The following VWA8 variants were observed in gnomAD, a reference collection of about 807,000 sequenced individuals.
VWA8 encodes von Willebrand factor A domain containing 8, also known as von Willebrand factor A domain-containing protein 8.
In VWA8, 221 loss-of-function variants were observed where a neutral mutation model predicts 241.5. That is an observed-to-expected ratio of 0.91 (90% CI 0.82 to 1.02). The LOEUF is 1.02. Among genes scored for constraint, VWA8 ranks in the 50% least tolerant of loss-of-function variants. The pLI, the probability that VWA8 is intolerant of heterozygous loss-of-function variation, is 0.00. For missense variants in VWA8, 2,322 were observed against 2,328.7 expected, an observed-to-expected ratio of 1.00 and a Z score of 0.06; for synonymous variants, 852 against 827.1, an observed-to-expected ratio of 1.03 and a Z score of -0.52.
intron 4 of VWA8, among the ~76,000 whole-genome samples, chr13:41,907,271 A>G (rs1169875542): frequency 6.6e-6 from 1 of 152,172 alleles, no homozygotes; most frequent in Non-Finnish European, 1.5e-5. Flanking sequence ...TCCTATATCA[A>G]ATCTCCTTAA....
rs1874560476 is a variant in VWA8 at position 41,886,760 on chromosome 13, CATTT to C, written c.866+17_866+20del. ...ACAAATTCAATATTCAGTGTCCAGACATTTATAAAAATATACTTACTTCTCAGCA... is the reference window on the plus strand; with the variant it reads ...ACAAATTCAATATTCAGTGTCCAGACATAAAAATATACTTACTTCTCAGCA... On this transcript the variant is annotated intron_variant, in intron 7 of 44. Transcript: ENST00000379310. The C allele has an allele frequency of 1.3e-6, 2 of 1,569,670 alleles. No individual in the cohort carries two copies. The highest frequency in any genetic ancestry group is 1.7e-6 in the Non-Finnish European group (2 of 1,157,870).
intron 39 of VWA8, among the ~76,000 whole-genome samples, chr13:41,605,515 T>G (rs1209716864): frequency 6.6e-6 from 1 of 152,124 alleles, no homozygotes; most frequent in Non-Finnish European, 1.5e-5. Context: ...AGATTTGTAG[T>G]GTTTGCTGAT....
chr13:41,594,835 T>C (rs2044478102), intron 40 of VWA8, among the ~76,000 whole-genome samples: 1 of 152,210 alleles, frequency 6.6e-6, no homozygotes, highest in Non-Finnish European at 1.5e-5. Context: ...AAATACACTA[T>C]AAGCGAAGCA....
At chr13:41,720,167 T>C (rs1315646747) in intron 25 of VWA8, among the ~76,000 whole-genome samples, 1 of 152,028 alleles carries the variant, frequency 6.6e-6, no homozygotes, top group Non-Finnish European at 1.5e-5. Context: ...GAAGAAAAGA[T>C]AAAGCAACAA....
intron 37 of VWA8, among the ~76,000 whole-genome samples, chr13:41,617,554 A>G (rs1042771236): frequency 6.6e-6 from 1 of 152,178 alleles, no homozygotes; most frequent in Admixed American, 6.5e-5. Context: ...TTTGTTACAT[A>G]TAGTATACAC....
chr13:41,587,425 T>G, intron 42 of VWA8, 87 bp downstream of exon 42: 1 of 1,543,516 alleles, frequency 6.5e-7, no homozygotes, highest in South Asian at 1.2e-5. Context: ...GGATGAAGAT[T>G]TTCATTCACT....
chr13:41,909,693 C>T (rs1265839800), intron 3 of VWA8, among the ~76,000 whole-genome samples: 1 of 152,150 alleles, frequency 6.6e-6, no homozygotes, highest in Non-Finnish European at 1.5e-5. Flanking sequence ...GATCATTATC[C>T]TCAGCTTCCT....
chr13:41,766,015 G>A (rs778880112), intron 20 of VWA8, among the ~76,000 whole-genome samples: 11 of 152,102 alleles, frequency 7.2e-5, no homozygotes, highest in Non-Finnish European at 1.5e-4. Flanking sequence ...GGAGTAGGGC[G>A]GCCCTTTCAC....
intron 13 of VWA8, among the ~76,000 whole-genome samples, chr13:41,832,014 T>C (rs1871491438): frequency 6.6e-6 from 1 of 151,068 alleles, no homozygotes; most frequent in Non-Finnish European, 1.5e-5. Context: ...CACTGCAACC[T>C]CCACCTCCCG....
chr13:41,758,186 C>T (rs1445983517), intron 21 of VWA8, among the ~76,000 whole-genome samples: 1 of 150,974 alleles, frequency 6.6e-6, no homozygotes, highest in African/African-American at 2.4e-5. Flanking sequence ...CCATTTCAAA[C>T]AGCCATCAGC....
chr13:41,959,625 T>TTTTTTTTTTTTA (rs55893633), intron 1 of VWA8, among the ~76,000 whole-genome samples: 3 of 134,166 alleles, frequency 2.2e-5, no homozygotes, highest in African/African-American at 2.7e-5. Flanking sequence ...TTTTTTTTTT[T>TTTTTTTTTTTTA]GAGATGGAGT....
chr13:41,838,683 A>T (rs1871854006), intron 12 of VWA8, among the ~76,000 whole-genome samples: 1 of 152,230 alleles, frequency 6.6e-6, no homozygotes, highest in African/African-American at 2.4e-5. Flanking sequence ...TATGCAAAAT[A>T]TATCTGAACA....
chr13:41,739,293 T>C (rs2045548571), intron 21 of VWA8, among the ~76,000 whole-genome samples: 1 of 152,152 alleles, frequency 6.6e-6, no homozygotes, highest in Admixed American at 6.5e-5. Flanking sequence ...AAAGTTAAAA[T>C]GAATATTTTT....
intron 23 of VWA8, among the ~76,000 whole-genome samples, chr13:41,729,124 T>G (rs2045460409): frequency 6.6e-6 from 1 of 152,040 alleles, no homozygotes; most frequent in Non-Finnish European, 1.5e-5. Context: ...TAGGAGTGTG[T>G]GTGTAATATA....
chr13:41,792,354 C>G (rs1041313303), intron 17 of VWA8, among the ~76,000 whole-genome samples: 1 of 151,808 alleles, frequency 6.6e-6, no homozygotes, highest in African/African-American at 2.4e-5. Flanking sequence ...ATTGGAAAAT[C>G]TTTATTTATA....
chr13:41,873,067 C>G (rs1386391012), intron 9 of VWA8, among the ~76,000 whole-genome samples: 2 of 152,010 alleles, frequency 1.3e-5, no homozygotes, highest in African/African-American at 2.4e-5. Flanking sequence ...CTCTTTGAAG[C>G]AATTGTGAAT....
In VWA8 at chr13:41,688,591, T is replaced by C. The variant is rs140467426; in HGVS notation, c.4131+763A>G. On this transcript the variant is annotated intron_variant, in intron 34 of 44. Transcript: ENST00000379310. The stretch of plus-strand genomic sequence containing the variant: ...GAAAATCAATTGAGACAATTAGCCA[T>C]TATACTATAACCTGGATGCTGCAAA... Among the ~76,000 whole-genome samples, 157 of 152,194 alleles carry C rather than the reference T, an allele frequency of 1.0e-3. 5 individuals carry two copies. The East Asian group carries it at 0.028, about 27-fold the overall frequency.
At chr13:41,643,850 CGGT>C (rs1230725869) in intron 37 of VWA8, among the ~76,000 whole-genome samples, 1 of 151,928 alleles carries the variant, frequency 6.6e-6, no homozygotes, top group Non-Finnish European at 1.5e-5. Flanking sequence ...TCCATCCTCT[CGGT>C]GGGAGAGCCT....
At chr13:41,632,445 A>C (rs2044732435) in intron 37 of VWA8, among the ~76,000 whole-genome samples, 1 of 152,200 alleles carries the variant, frequency 6.6e-6, no homozygotes, top group Non-Finnish European at 1.5e-5. Context: ...GATCCTAAAG[A>C]TTCTTGGAAG....
Sources: gnomAD v4.1 joint callset for allele counts (sites outside exome capture counted in the v4.1 genomes callset) on GRCh38, gnomAD v4.1.1 for gene constraint, MANE v1.5 for transcripts, NCBI Gene and HGNC (gene_info 2026-07-23, HGNC 2026-07-21) for gene names.